Variants in ENPP3 observed in about 807,000 individuals in gnomAD.
ENPP3 encodes the protein ectonucleotide pyrophosphatase/phosphodiesterase 3.
A neutral mutation model predicts 117.8 loss-of-function variants in ENPP3; 104 were observed. That is an observed-to-expected ratio of 0.88 (90% CI 0.75 to 1.04). The LOEUF (loss-of-function observed/expected upper bound fraction) is 1.04, where lower values mean the gene tolerates loss of function less well. Ranked by LOEUF, ENPP3 falls within the 50% of genes least tolerant of loss-of-function variation. The probability of loss-of-function intolerance (pLI) is 0.00; values close to 1 mark genes in which losing one functional copy is unlikely to be tolerated. For synonymous variants in ENPP3, 380 were observed against 349.9 expected (o/e 1.09, Z -0.96); for missense variants, 1,026 against 1,051.9 (o/e 0.98, Z 0.34).
chr6:131,737,769 C>A (rs973756703), intron 22 of ENPP3, among the ~76,000 whole-genome samples: 1 of 152,092 alleles, frequency 6.6e-6, no homozygotes, highest in Non-Finnish European at 1.5e-5. Context: ...CACTCGCTGT[C>A]CCATAAGCAA....
At chr6:131,669,388 T>G (rs1778690339) in intron 6 of ENPP3, among the ~76,000 whole-genome samples, 1 of 151,956 alleles carries the variant, frequency 6.6e-6, no homozygotes. Context: ...AATGTAAATT[T>G]TTAGCCAGGC....
At chr6:131,736,273 C>T (rs1381777840) in intron 21 of ENPP3, among the ~76,000 whole-genome samples, 1 of 152,152 alleles carries the variant, frequency 6.6e-6, no homozygotes, top group Non-Finnish European at 1.5e-5. Flanking sequence ...AGTCAGTTCT[C>T]ATACTGCTAA....
intron 24 of ENPP3, among the ~76,000 whole-genome samples, chr6:131,745,731 G>A (rs1780622699): frequency 6.6e-6 from 1 of 152,164 alleles, no homozygotes; most frequent in Admixed American, 6.5e-5. Context: ...GCAAAGATGT[G>A]GGGAAATGGG....
chr6:131,656,671 G>A (rs192219668), intron 5 of ENPP3, among the ~76,000 whole-genome samples: 77 of 151,894 alleles, frequency 5.1e-4, no homozygotes, highest in African/African-American at 1.6e-3. Context: ...GGAGGTTGAC[G>A]CAGGAGAATG....
intron 20 of ENPP3, among the ~76,000 whole-genome samples, chr6:131,727,648 T>C (rs1485459942): frequency 6.6e-6 from 1 of 152,110 alleles, no homozygotes; most frequent in East Asian, 1.9e-4. Flanking sequence ...TGATTTTATT[T>C]AATGCATCCT....
rs138463279 is a variant in ENPP3, at chr6:131,669,144, T to C, written c.563-2104T>C. On this transcript the variant is annotated intron_variant, in intron 6 of 24. Coordinates refer to ENST00000357639, the MANE Select transcript of ENPP3 (RefSeq NM_005021.5). ...GTATCTGTTCATTGTATGAATTTTT[T>C]CCCACTTAAATTATTTTAATTGTGT... Among the ~76,000 whole-genome samples, 22 of 152,338 alleles carry C rather than the reference T, an allele frequency of 1.4e-4. No homozygotes were observed. The East Asian group carries it at 4.2e-3, about 29-fold the overall frequency.
At chr6:131,661,939 G>A (rs1778510098) in intron 6 of ENPP3, among the ~76,000 whole-genome samples, 1 of 151,980 alleles carries the variant, frequency 6.6e-6, no homozygotes, top group African/African-American at 2.4e-5. Flanking sequence ...TTATTGCCTG[G>A]GCTTTTGGCA....
chr6:131,686,656 C>A (rs1450656390), intron 14 of ENPP3, among the ~76,000 whole-genome samples: 1 of 152,040 alleles, frequency 6.6e-6, no homozygotes, highest in South Asian at 2.1e-4. Flanking sequence ...GTTTTTTAAC[C>A]CATACACCTC....
chr6:131,712,125 A>G (rs1779802735), intron 15 of ENPP3, among the ~76,000 whole-genome samples: 1 of 131,740 alleles, frequency 7.6e-6, no homozygotes, highest in Non-Finnish European at 1.5e-5. Context: ...TCTTTCCTTT[A>G]TATTCACCAT....
At chr6:131,734,200 T>C (rs551277761) in intron 21 of ENPP3, among the ~76,000 whole-genome samples, 1 of 152,290 alleles carries the variant, frequency 6.6e-6, no homozygotes, top group East Asian at 1.9e-4. Context: ...GGCTGGAATT[T>C]TGGCCTGTCG....
At chr6:131,677,070 T>TA (rs992704850) in intron 10 of ENPP3, among the ~76,000 whole-genome samples, 25 of 151,688 alleles carry the variant, frequency 1.6e-4, no homozygotes, top group African/African-American at 5.8e-4. Flanking sequence ...ATACTGTCTC[T>TA]AAAAAAATGT....
At chr6:131,720,113 T>C (rs980623244) in intron 16 of ENPP3, among the ~76,000 whole-genome samples, 179 bp from the exon 17 acceptor site, 1 of 152,138 alleles carries the variant, frequency 6.6e-6, no homozygotes, top group South Asian at 2.1e-4. Flanking sequence ...TTGGTTGGGA[T>C]TGGTACAACA....
intron 5 of ENPP3, among the ~76,000 whole-genome samples, chr6:131,654,825 G>A (rs1035783149): frequency 1.3e-5 from 2 of 152,070 alleles, no homozygotes; most frequent in South Asian, 2.1e-4. Flanking sequence ...ATGCTGCTTT[G>A]GTTTGTAGCT....
chr6:131,656,975 G>A (rs1562432415), intron 5 of ENPP3, among the ~76,000 whole-genome samples: 1 of 152,076 alleles, frequency 6.6e-6, no homozygotes, highest in Non-Finnish European at 1.5e-5. Context: ...CCAGAGACAA[G>A]TGACCCTGTC....
At chr6:131,737,250 G>T in intron 21 of ENPP3, 105 bp from the exon 22 acceptor site, 1 of 684,890 alleles carries the variant, frequency 1.5e-6, no homozygotes, top group South Asian at 2.1e-5. Flanking sequence ...TCTGTGCTTT[G>T]ACTGTTAATA....
In ENPP3 at chr6:131,737,996, T is replaced by A. The variant is rs1368586055; in HGVS notation, c.2168-35T>A. 11 of 1,483,300 alleles carry A rather than the reference T, an allele frequency of 7.4e-6. No individual in the cohort carries two copies. The East Asian group carries it at 2.3e-4, about 32-fold the overall frequency. 91.9% of individuals were successfully genotyped at this position (1,483,300 alleles called of 1,614,324 possible). ...AAAATAGTGTCATATTTCACTGAAG[T>A]GGACATTTTAAACACTTTATGATTT... On this transcript the variant is annotated intron_variant, in intron 22 of 24. Coordinates refer to ENST00000357639, the MANE Select transcript of ENPP3 (RefSeq NM_005021.5).
At chr6:131,707,059 A>G (rs1779657076) in intron 15 of ENPP3, among the ~76,000 whole-genome samples, 1 of 148,290 alleles carries the variant, frequency 6.7e-6, no homozygotes, top group South Asian at 2.1e-4. Context: ...TAAACCATCT[A>G]AGCATAAATA....
chr6:131,685,870 A>G lies in ENPP3; in HGVS notation c.1253-6A>G, dbSNP rs771352281. 11 of 951,308 alleles carry G rather than the reference A, an allele frequency of 1.2e-5. No homozygotes were observed. Among genetic ancestry groups the G allele is most frequent in the Middle Eastern group, 3.1e-4 (1 of 3,230 alleles). The allele number at this position is 951,308 out of a possible 1,614,324, so 58.9% of individuals were successfully genotyped here. A position where few individuals can be genotyped will look rare whatever the true frequency, so the allele number is the denominator to read the frequency against. On this transcript the variant is annotated splice_polypyrimidine_tract_variant and splice_region_variant and intron_variant, in intron 13 of 24. Coordinates refer to ENST00000357639, the MANE Select transcript of ENPP3 (RefSeq NM_005021.5). ...ATGTCATTTATTTCTTTTTCTTTTGAAACAGTTAATTCTGAGGAAATTGTT... is the reference window on the plus strand; with the variant it reads ...ATGTCATTTATTTCTTTTTCTTTTGGAACAGTTAATTCTGAGGAAATTGTT...
chr6:131,660,698 A>G (rs980468791), intron 6 of ENPP3, among the ~76,000 whole-genome samples: 5 of 152,234 alleles, frequency 3.3e-5, no homozygotes, highest in African/African-American at 1.2e-4. Flanking sequence ...TGGCCATAGC[A>G]GATGTCATTT....
Sources: allele counts gnomAD v4.1 joint callset (sites outside exome capture counted in the v4.1 genomes callset), GRCh38; gene constraint gnomAD v4.1.1; transcripts MANE v1.5; gene names NCBI Gene and HGNC (gene_info 2026-07-23, HGNC 2026-07-21).